Variants in WASF1 observed in about 807,000 individuals in gnomAD.
WASF1 encodes the protein WASP family member 1, also known as actin-binding protein WASF1.
Under a neutral mutation model 50.5 loss-of-function variants are expected in WASF1, and 7 were observed. That is an observed-to-expected ratio of 0.14 (90% confidence interval 0.08 to 0.26). The LOEUF (loss-of-function observed/expected upper bound fraction) is 0.26, where lower values mean the gene tolerates loss of function less well. Among genes scored for constraint, WASF1 ranks in the 10% least tolerant of loss-of-function variants. The probability of loss-of-function intolerance (pLI) is 1.00; values close to 1 mark genes in which losing one functional copy is unlikely to be tolerated. For missense variants in WASF1, 470 were observed against 694.7 expected (o/e 0.68, Z 3.64); for synonymous variants, 205 against 244.0 (o/e 0.84, Z 1.49).
chr6:110,142,975 T>TAAAAAAAAAAAAAAAAAAAAAAAAAA (rs1396721363), intron 3 of WASF1, among the ~76,000 whole-genome samples: 80 of 97,884 alleles, frequency 8.2e-4, no homozygotes, highest in East Asian at 5.5e-3. Flanking sequence ...AAAAAAAAAC[T>TAAAAAAAAAAAAAAAAAAAAAAAAAA]AAAGCAATTC....
At position 110,108,547 on chromosome 6, in the gene WASF1, T is replaced by A; in HGVS notation, c.403A>T (p.Asn135Tyr). ...ACCTACCTATAAGGAGTGAGTATAT[T>A]GAGAGGTGGAGGCTGTTCACAAACA... is the stretch of plus-strand genomic sequence containing the variant. Reference protein sequence around the residue: ...YDVCEQPPPLNILTPYRDDGK... With the variant: ...YDVCEQPPPLYILTPYRDDGK... The change falls in exon 6 of 11, where the codon AAT becomes TAT. Residue 135 changes from asparagine to tyrosine, a missense_variant. Around this residue, in one of 3 missense-constraint regions of WASF1, gnomAD observed 140 missense variants for 260.5 expected, o/e 0.54. Transcript: ENST00000392589. The A allele has an allele frequency of 6.2e-7, 1 of 1,613,798 alleles. No individual in the cohort carries two copies. Among genetic ancestry groups the A allele is most frequent in the South Asian group, 1.1e-5 (1 of 91,020 alleles).
intron 3 of WASF1, among the ~76,000 whole-genome samples, chr6:110,153,938 T>C (rs1344339975): frequency 6.6e-6 from 1 of 152,156 alleles, no homozygotes; most frequent in Non-Finnish European, 1.5e-5. Context: ...TGTGCTTGTA[T>C]TTAAATGTGA....
In WASF1 at chr6:110,169,438, C is replaced by A. The variant is rs530627280; in HGVS notation, c.-126-8706G>T. ...ATCATCTTTAAATTAAAGCAAAGTA[C>A]TGGATTCTCCATTAACCAGTTCAGT... On this transcript the variant is annotated intron_variant, in intron 2 of 10. Transcript: ENST00000392589. Among the ~76,000 whole-genome samples the A allele has an allele frequency of 2.6e-5, 4 of 152,140 alleles. No homozygotes were observed. The South Asian group carries it at 6.2e-4, about 24-fold the overall frequency.
At chr6:110,161,411 T>C (rs1380192270) in intron 2 of WASF1, among the ~76,000 whole-genome samples, 3 of 151,594 alleles carry the variant, frequency 2.0e-5, no homozygotes, top group Admixed American at 6.6e-5. Context: ...AATTTGGCTA[T>C]CCCTCTTTCT....
At chr6:110,119,366 C>G (rs1020447619) in intron 4 of WASF1, among the ~76,000 whole-genome samples, 1 of 152,072 alleles carries the variant, frequency 6.6e-6, no homozygotes, top group East Asian at 1.9e-4. Flanking sequence ...ATATCACTGC[C>G]AATCCCCCAG....
intron 7 of WASF1, among the ~76,000 whole-genome samples, chr6:110,106,160 C>T (rs1773314580): frequency 6.6e-6 from 1 of 152,144 alleles, no homozygotes; most frequent in South Asian, 2.1e-4. Flanking sequence ...TTCAAACGCC[C>T]AAAGCGGCCA....
chr6:110,154,351 C>A (rs1048256387), intron 3 of WASF1, among the ~76,000 whole-genome samples: 1 of 151,952 alleles, frequency 6.6e-6, no homozygotes, highest in Non-Finnish European at 1.5e-5. Flanking sequence ...CTTTTAATAT[C>A]AAAATGGAAG....
intron 3 of WASF1, among the ~76,000 whole-genome samples, chr6:110,155,321 A>G (rs1483262268): frequency 6.6e-6 from 1 of 152,028 alleles, no homozygotes; most frequent in East Asian, 1.9e-4. Context: ...AAAAAGGTAG[A>G]TTTGGTTAAA....
At chr6:110,106,429 A>C (rs1773328427) in intron 7 of WASF1, among the ~76,000 whole-genome samples, 1 of 152,254 alleles carries the variant, frequency 6.6e-6, no homozygotes, top group Admixed American at 6.5e-5. Context: ...AGATAGCTAC[A>C]GGAGAACCAG....
chr6:110,132,531 CTTTA>C (rs1774727684), intron 3 of WASF1, among the ~76,000 whole-genome samples: 1 of 151,614 alleles, frequency 6.6e-6, no homozygotes, highest in African/African-American at 2.4e-5. Flanking sequence ...AAGGAAGTTC[CTTTA>C]TTATTATTTT....
chr6:110,159,315 AAC>A (rs915104545), intron 3 of WASF1, among the ~76,000 whole-genome samples: 1 of 151,912 alleles, frequency 6.6e-6, no homozygotes, highest in Non-Finnish European at 1.5e-5. Context: ...GAAAACAAAA[AAC>A]AGTCTGTTGA....
chr6:110,173,400 A>G (rs968513664), intron 2 of WASF1, among the ~76,000 whole-genome samples: 9 of 152,180 alleles, frequency 5.9e-5, no homozygotes, highest in Admixed American at 1.3e-4. Flanking sequence ...GAATTTCTTT[A>G]GGACCTTTAG....
At chr6:110,152,454 A>G (rs1215841271) in intron 3 of WASF1, among the ~76,000 whole-genome samples, 1 of 152,202 alleles carries the variant, frequency 6.6e-6, no homozygotes, top group East Asian at 1.9e-4. Flanking sequence ...CTAAACTTTG[A>G]TTTTGTCTTA....
chr6:110,175,050 A>C (rs1018929084), intron 2 of WASF1, among the ~76,000 whole-genome samples: 16 of 152,190 alleles, frequency 1.1e-4, no homozygotes, highest in Admixed American at 1.3e-4. Flanking sequence ...CTTCAGCTCC[A>C]TCACATCCAT....
rs142466639 is a variant in WASF1, at chr6:110,132,963, T to TACACAC, written c.-28-5340_-28-5335dup. Among the ~76,000 whole-genome samples the TACACAC allele has an allele frequency of 2.6e-3, 332 of 130,142 alleles. 1 individual carries two copies. The highest frequency in any genetic ancestry group is 8.1e-3 in the African/African-American group (281 of 34,520). The allele number at this position is 130,142 out of a possible 152,430, so 85.4% of individuals were successfully genotyped here. On this transcript the variant is annotated intron_variant, in intron 3 of 10. Transcript: ENST00000392589. ...GTTTGTGTGTGTATTCCATGGTGTATACACACACACACACACACACACACC... is the reference window on the plus strand; with the variant it reads ...GTTTGTGTGTGTATTCCATGGTGTATACACACACACACACACACACACACACACACC...
At chr6:110,125,208 ATAATT>A (rs1304996210) in intron 4 of WASF1, among the ~76,000 whole-genome samples, 1 of 152,090 alleles carries the variant, frequency 6.6e-6, no homozygotes, top group East Asian at 1.9e-4. Flanking sequence ...AAAATTAAAC[ATAATT>A]TAATTTTTTC....
intron 7 of WASF1, among the ~76,000 whole-genome samples, chr6:110,106,385 T>C (rs1445860490): frequency 1.3e-5 from 2 of 152,142 alleles, no homozygotes; most frequent in East Asian, 3.8e-4. Flanking sequence ...AAGAAGACAA[T>C]ACAATGGCAT....
At chr6:110,119,576 AC>A (rs898261302) in intron 4 of WASF1, among the ~76,000 whole-genome samples, 20 of 152,208 alleles carry the variant, frequency 1.3e-4, no homozygotes, top group Admixed American at 4.6e-4. Context: ...AAAGCCCAGG[AC>A]CAGACAGATG....
At chr6:110,104,865 G>A (rs953007067) in intron 8 of WASF1, among the ~76,000 whole-genome samples, 1 of 152,150 alleles carries the variant, frequency 6.6e-6, no homozygotes. Context: ...GTGTTTGCTG[G>A]TAGTATGTTA....
Sources: allele counts gnomAD v4.1 joint callset (sites outside exome capture counted in the v4.1 genomes callset), GRCh38; gene constraint gnomAD v4.1.1; regional missense constraint gnomAD v4.1.1; transcripts MANE v1.5; gene names NCBI Gene and HGNC (gene_info 2026-07-23, HGNC 2026-07-21).